ROBO2: variants seen among roughly 807,000 people sequenced by gnomAD.
The protein encoded by ROBO2 is roundabout homolog 2.
ROBO2 carries 53 observed loss-of-function variants against 160.8 expected under a neutral mutation model. The ratio of observed to expected loss-of-function variants is 0.33; its 90% CI spans 0.26 to 0.41. The LOEUF (loss-of-function observed/expected upper bound fraction) is 0.41, where lower values mean the gene tolerates loss of function less well. ROBO2 is among the 10% of genes least tolerant of loss of function. The pLI, the probability that ROBO2 is intolerant of heterozygous loss-of-function variation, is 1.00. For missense variants in ROBO2, 1,577 were observed against 1,722.4 expected (o/e 0.92, Z 1.49); for synonymous variants, 664 against 611.7 (o/e 1.09, Z -1.26).
chr3:77,621,150 G>A (rs1056402145), intron 22 of ROBO2, among the ~76,000 whole-genome samples: 1 of 152,304 alleles, frequency 6.6e-6, no homozygotes, highest in African/African-American at 2.4e-5. Context: ...GTTGGGCCAA[G>A]CATGATAGCT....
At chr3:76,678,418 C>T (rs138416747) in intron 2 of ROBO2, among the ~76,000 whole-genome samples, 1 of 152,124 alleles carries the variant, frequency 6.6e-6, no homozygotes, top group Non-Finnish European at 1.5e-5. Flanking sequence ...CCAAGGTAAA[C>T]TATTGTGTAT....
chr3:76,091,060 C>G (rs1045543900), intron 2 of ROBO2, among the ~76,000 whole-genome samples: 3 of 152,086 alleles, frequency 2.0e-5, no homozygotes, highest in Non-Finnish European at 4.4e-5. Context: ...GAAACAGCTT[C>G]AAAGGCATGA....
intron 2 of ROBO2, among the ~76,000 whole-genome samples, chr3:76,624,476 C>A (rs1578646219): frequency 6.6e-6 from 1 of 151,958 alleles, no homozygotes; most frequent in Admixed American, 6.6e-5. Flanking sequence ...TCTCATTGCC[C>A]AGAAAGCATC....
intron 2 of ROBO2, among the ~76,000 whole-genome samples, chr3:76,274,212 A>G (rs1707781452): frequency 6.6e-6 from 1 of 152,222 alleles, no homozygotes; most frequent in African/African-American, 2.4e-5. Context: ...GATACTACAT[A>G]CATACAACCA....
At chr3:77,430,208 T>C (rs2078633110) in intron 2 of ROBO2, among the ~76,000 whole-genome samples, 1 of 151,940 alleles carries the variant, frequency 6.6e-6, no homozygotes, top group African/African-American at 2.4e-5. Context: ...TTCTAAATGG[T>C]GACTAGAAGG....
At chr3:76,355,523 A>C (rs576403895) in intron 2 of ROBO2, among the ~76,000 whole-genome samples, 1 of 151,912 alleles carries the variant, frequency 6.6e-6, no homozygotes, top group Admixed American at 6.6e-5. Context: ...CTATGAGCTC[A>C]TGGTTCTTAA....
At chr3:76,860,333 T>C (rs1260935146) in intron 2 of ROBO2, among the ~76,000 whole-genome samples, 2 of 152,186 alleles carry the variant, frequency 1.3e-5, no homozygotes, top group Non-Finnish European at 1.5e-5. Context: ...AATGTTTTCG[T>C]AGGGCATTTT....
intron 2 of ROBO2, among the ~76,000 whole-genome samples, chr3:76,440,494 G>A (rs376874993): frequency 4.5e-4 from 69 of 152,168 alleles, no homozygotes; most frequent in African/African-American, 1.6e-3. Flanking sequence ...ATGGTCAGGG[G>A]AATAGAGAAG....
intron 2 of ROBO2, among the ~76,000 whole-genome samples, chr3:75,978,058 TAAA>T (rs1189122956): frequency 1.3e-5 from 2 of 151,522 alleles, no homozygotes; most frequent in African/African-American, 4.8e-5. Context: ...ATATTACACA[TAAA>T]AACAGTTTGT....
intron 1 of ROBO2, among the ~76,000 whole-genome samples, chr3:77,069,081 C>T (rs764696502): frequency 4.6e-5 from 7 of 152,104 alleles, no homozygotes; most frequent in South Asian, 2.1e-4. Context: ...CTGTGGCAGA[C>T]GCTGTGTGGC....
chr3:76,078,752 C>G (rs374957774), intron 2 of ROBO2, among the ~76,000 whole-genome samples: 2 of 151,804 alleles, frequency 1.3e-5, no homozygotes, highest in African/African-American at 2.4e-5. Context: ...AAAAAAAAAG[C>G]TTGCCATATG....
intron 2 of ROBO2, among the ~76,000 whole-genome samples, chr3:77,175,065 T>C (rs2080008245): frequency 6.6e-6 from 1 of 152,064 alleles, no homozygotes; most frequent in Non-Finnish European, 1.5e-5. Flanking sequence ...TTATAACTCA[T>C]ATTTTTCATG....
At chr3:75,970,696 T>C (rs930730883) in intron 2 of ROBO2, among the ~76,000 whole-genome samples, 2 of 151,494 alleles carry the variant, frequency 1.3e-5, no homozygotes, top group African/African-American at 4.8e-5. Context: ...AACGCATTAT[T>C]TGTTTCCAAG....
chr3:76,090,392 C>T (rs2069182442), intron 2 of ROBO2, among the ~76,000 whole-genome samples: 1 of 152,034 alleles, frequency 6.6e-6, no homozygotes, highest in South Asian at 2.1e-4. Context: ...TGCCACCGCA[C>T]TCCAGCCTGG....
At chr3:75,974,152 T>A (rs1272928416) in intron 2 of ROBO2, among the ~76,000 whole-genome samples, 1 of 151,676 alleles carries the variant, frequency 6.6e-6, no homozygotes, top group African/African-American at 2.4e-5. Context: ...TCATTGTGAT[T>A]GCTGAATATA....
At chr3:77,399,951 C>T (rs576298052) in intron 2 of ROBO2, among the ~76,000 whole-genome samples, 14 of 152,186 alleles carry the variant, frequency 9.2e-5, no homozygotes, top group East Asian at 1.9e-4. Flanking sequence ...ATCTGCAGTG[C>T]GTTGCCTTGG....
chr3:76,315,694 T>C (rs570194933), intron 2 of ROBO2, among the ~76,000 whole-genome samples: 8 of 152,312 alleles, frequency 5.3e-5, no homozygotes, highest in African/African-American at 1.7e-4. Context: ...CCCCTAGTTA[T>C]ATGAACTAAT....
At chr3:76,167,809 T>C (rs893431022) in intron 2 of ROBO2, among the ~76,000 whole-genome samples, 2 of 152,224 alleles carry the variant, frequency 1.3e-5, no homozygotes, top group African/African-American at 2.4e-5. Flanking sequence ...ATTTGTGTTC[T>C]AAAGGAAACA....
chr3:76,799,220 A>C (rs2064009124), intron 2 of ROBO2, among the ~76,000 whole-genome samples: 1 of 135,954 alleles, frequency 7.4e-6, no homozygotes, highest in South Asian at 2.4e-4. Flanking sequence ...TCTCAAAAAA[A>C]ACAAAAACAA....
Sources: gnomAD v4.1 joint callset for allele counts (sites outside exome capture counted in the v4.1 genomes callset) on GRCh38, gnomAD v4.1.1 for gene constraint, MANE v1.5 for transcripts, NCBI Gene and HGNC (gene_info 2026-07-23, HGNC 2026-07-21) for gene names.